FHIT: variants seen among roughly 807,000 people sequenced by gnomAD.
FHIT encodes the protein fragile histidine triad diadenosine triphosphatase, also known as bis(5'-adenosyl)-triphosphatase.
A neutral mutation model predicts 17.9 loss-of-function variants in FHIT; 19 were observed. The observed-to-expected ratio is 1.06, with a 90% CI of 0.74 to 1.56. FHIT has a LOEUF of 1.56. Ranked by LOEUF, FHIT falls within the 40% of genes most tolerant of loss-of-function variation. The pLI is 0.00. For synonymous variants in FHIT, 81 were observed against 69.7 expected (o/e 1.16, Z -0.81); for missense variants, 248 against 189.2 (o/e 1.31, Z -1.82).
intron 5 of FHIT, among the ~76,000 whole-genome samples, chr3:60,341,878 T>G (rs573087013): frequency 1.3e-5 from 2 of 152,330 alleles, no homozygotes; most frequent in African/African-American, 4.8e-5. Flanking sequence ...CTTAGTAATC[T>G]TGCAGAATTT....
chr3:61,100,221 C>G (rs892329103), intron 2 of FHIT, among the ~76,000 whole-genome samples: 2 of 152,236 alleles, frequency 1.3e-5, no homozygotes, highest in East Asian at 3.9e-4. Context: ...GCCCCACACC[C>G]CCCGACAGGA....
chr3:59,964,440 C>A (rs190990002), intron 7 of FHIT, among the ~76,000 whole-genome samples: 21 of 152,102 alleles, frequency 1.4e-4, no homozygotes, highest in Admixed American at 1.1e-3. Context: ...CATCCATTAC[C>A]CCATGTGATG....
At chr3:60,057,384 C>T (rs572102506) in intron 5 of FHIT, among the ~76,000 whole-genome samples, 15 of 152,266 alleles carry the variant, frequency 9.9e-5, no homozygotes, top group Non-Finnish European at 1.8e-4. Context: ...ACTTCCATGC[C>T]TCTCTGCTTA....
At chr3:60,468,982 A>G (rs993011286) in intron 5 of FHIT, among the ~76,000 whole-genome samples, 2 of 152,144 alleles carry the variant, frequency 1.3e-5, no homozygotes, top group African/African-American at 4.8e-5. Context: ...AGTACTTTAA[A>G]TATGTAATAT....
intron 5 of FHIT, among the ~76,000 whole-genome samples, chr3:60,089,250 A>G (rs1477670008): frequency 2.0e-5 from 3 of 152,172 alleles, no homozygotes; most frequent in Non-Finnish European, 2.9e-5. Context: ...TGACTTCATG[A>G]CACATTTATT....
chr3:61,036,981 C>G (rs1315596415), intron 3 of FHIT, among the ~76,000 whole-genome samples: 3 of 149,874 alleles, frequency 2.0e-5, no homozygotes, highest in Non-Finnish European at 3.0e-5. Context: ...GCACTATCTC[C>G]GCTCACTGCA....
At chr3:59,946,320 C>T (rs1446161728) in intron 7 of FHIT, among the ~76,000 whole-genome samples, 1 of 152,048 alleles carries the variant, frequency 6.6e-6, no homozygotes, top group Non-Finnish European at 1.5e-5. Flanking sequence ...TGGCTCTCAC[C>T]TTGAATACTG....
intron 2 of FHIT, among the ~76,000 whole-genome samples, chr3:61,158,930 G>A (rs1448917653): frequency 1.3e-5 from 2 of 152,140 alleles, no homozygotes; most frequent in African/African-American, 2.4e-5. Context: ...CTGCAACAAA[G>A]GTGGGATGAT....
chr3:59,946,498 T>TA (rs1706809707), intron 7 of FHIT, among the ~76,000 whole-genome samples: 1 of 152,202 alleles, frequency 6.6e-6, no homozygotes, highest in East Asian at 1.9e-4. Context: ...TTGCTATTTA[T>TA]ATGCCTTTTA....
intron 4 of FHIT, among the ~76,000 whole-genome samples, chr3:60,538,694 G>C (rs1048445780): frequency 3.9e-5 from 6 of 152,156 alleles, no homozygotes; most frequent in Middle Eastern, 3.2e-3. Context: ...ATGGGGAAAG[G>C]ATTCCTTATT....
intron 3 of FHIT, among the ~76,000 whole-genome samples, chr3:60,837,410 A>G (rs924053727): frequency 6.6e-6 from 1 of 152,186 alleles, no homozygotes; most frequent in Admixed American, 6.6e-5. Flanking sequence ...TAACCTTTTC[A>G]AAGAACCAGC....
intron 1 of FHIT, among the ~76,000 whole-genome samples, chr3:61,201,537 T>C (rs7643503): frequency 0.036 from 5,397 of 151,574 alleles, 137 homozygotes; most frequent in African/African-American, 0.059. Flanking sequence ...TCCATGGTTC[T>C]TTTTTTTTCC....
At chr3:60,643,891 T>A (rs566167191) in intron 4 of FHIT, among the ~76,000 whole-genome samples, 1 of 152,350 alleles carries the variant, frequency 6.6e-6, no homozygotes, top group East Asian at 1.9e-4. Context: ...TGAGGGTAAC[T>A]ATGAGACTTG....
At chr3:60,346,868 T>C (rs1158458063) in intron 5 of FHIT, among the ~76,000 whole-genome samples, 1 of 152,216 alleles carries the variant, frequency 6.6e-6, no homozygotes, top group Non-Finnish European at 1.5e-5. Context: ...TTATGGATGT[T>C]GCTTTCTTAG....
chr3:60,990,451 G>A (rs1018035657), intron 3 of FHIT, among the ~76,000 whole-genome samples: 17 of 152,160 alleles, frequency 1.1e-4, no homozygotes, highest in African/African-American at 3.9e-4. Context: ...TGATAAAAGA[G>A]CATCTATATA....
At chr3:60,904,314 C>A (rs978769652) in intron 3 of FHIT, among the ~76,000 whole-genome samples, 1 of 151,982 alleles carries the variant, frequency 6.6e-6, no homozygotes, top group Admixed American at 6.6e-5. Context: ...TGGAATTAAT[C>A]CTTTGAGTTC....
At chr3:60,673,111 C>T (rs1366022518) in intron 4 of FHIT, among the ~76,000 whole-genome samples, 9 of 151,908 alleles carry the variant, frequency 5.9e-5, no homozygotes, top group South Asian at 2.1e-4. Context: ...TAAGTTACCC[C>T]GTAAGAGCTT....
At chr3:60,303,838 C>T (rs189675382) in intron 5 of FHIT, among the ~76,000 whole-genome samples, 1 of 152,192 alleles carries the variant, frequency 6.6e-6, no homozygotes, top group East Asian at 1.9e-4. Flanking sequence ...CCCACTCTGA[C>T]TTCTACACAC....
intron 3 of FHIT, among the ~76,000 whole-genome samples, chr3:61,008,409 A>C (rs1344498084): frequency 6.6e-6 from 1 of 152,124 alleles, no homozygotes; most frequent in Non-Finnish European, 1.5e-5. Context: ...CCTTCTTGGC[A>C]GGTGTCAGGC....
Sources: allele counts gnomAD v4.1 joint callset (sites outside exome capture counted in the v4.1 genomes callset), GRCh38; gene constraint gnomAD v4.1.1; transcripts MANE v1.5; gene names NCBI Gene and HGNC (gene_info 2026-07-23, HGNC 2026-07-21).